RAB5A: variants seen among roughly 807,000 people sequenced by gnomAD.
The protein encoded by RAB5A is ras-related protein Rab-5A.
In RAB5A, 8 loss-of-function variants were observed where a neutral mutation model predicts 25.7. The ratio of observed to expected loss-of-function variants is 0.31; its 90% CI spans 0.18 to 0.56. The LOEUF is 0.56. Ranked by LOEUF, RAB5A falls within the 20% of genes least tolerant of loss-of-function variation. The pLI, the probability that RAB5A is intolerant of heterozygous loss-of-function variation, is 0.91. For missense variants in RAB5A, 192 were observed against 259.7 expected (o/e 0.74, Z 1.79); for synonymous variants, 98 against 89.8 (o/e 1.09, Z -0.52).
At position 19,947,266 on chromosome 3, in the gene RAB5A, CCGGCGGCGG is replaced by C. The variant is rs67898127; in HGVS notation, c.-336_-328del. ...GGAAGAATTAGTCGGAACTCCAGCG[CCGGCGGCGG>C]CGGCGGCGGCGGAGGAGGAGAAAGG... is the stretch of plus-strand genomic sequence containing the variant. On this transcript the variant is annotated 5_prime_UTR_variant, in exon 1 of 6. Transcript: ENST00000273047. The C allele has an allele frequency of 3.7e-3, 675 of 183,024 alleles. 4 individuals are homozygous for C. The highest frequency in any genetic ancestry group is 0.015 in the African/African-American group (631 of 40,856). 11.3% of individuals were successfully genotyped at this position (183,024 alleles called of 1,614,324 possible). A position where few individuals can be genotyped will look rare whatever the true frequency, so the allele number is the denominator to read the frequency against.
Position 19,950,806 on chromosome 3 carries a change from G to T in RAB5A, c.-93G>T. On this transcript the variant is annotated splice_region_variant and 5_prime_UTR_variant, in exon 2 of 6. Coordinates refer to ENST00000273047, the MANE Select transcript of RAB5A (RefSeq NM_004162.5). ...TTAATTCATAATTGTTTCTTTACAG[G>T]TTTCTTTACCTCCAGAAAGAAGAAT... The T allele has an allele frequency of 7.9e-7, 1 of 1,260,208 alleles. No homozygotes were observed. The highest frequency in any genetic ancestry group is 1.1e-6 in the Non-Finnish European group (1 of 920,526). 78.1% of individuals were successfully genotyped at this position (1,260,208 alleles called of 1,614,324 possible).
At chr3:19,953,561 C>T (rs1038586778) in intron 2 of RAB5A, among the ~76,000 whole-genome samples, 1 of 152,060 alleles carries the variant, frequency 6.6e-6, no homozygotes, top group East Asian at 1.9e-4. Flanking sequence ...GCGCAAGCCA[C>T]CACTCCTGGC....
chr3:19,971,559 C>T (rs1696752294), intron 2 of RAB5A, among the ~76,000 whole-genome samples: 1 of 152,090 alleles, frequency 6.6e-6, no homozygotes, highest in South Asian at 2.1e-4. Flanking sequence ...GCAACCTCTG[C>T]CTCCCGAGTT....
intron 2 of RAB5A, among the ~76,000 whole-genome samples, chr3:19,968,354 G>A (rs891880205): frequency 4.0e-5 from 6 of 151,538 alleles, no homozygotes; most frequent in African/African-American, 1.2e-4. Context: ...ATAGCACATC[G>A]AAATTTCCTT....
At chr3:19,952,825 G>C (rs1410491656) in intron 2 of RAB5A, among the ~76,000 whole-genome samples, 2 of 151,596 alleles carry the variant, frequency 1.3e-5, no homozygotes, top group Non-Finnish European at 2.9e-5. Context: ...ATTATATCCA[G>C]TTTAATAATG....
intron 2 of RAB5A, among the ~76,000 whole-genome samples, chr3:19,967,936 A>G (rs570533713): frequency 7.2e-5 from 11 of 152,260 alleles, no homozygotes; most frequent in African/African-American, 2.4e-4. Context: ...GTTTTCGGCT[A>G]TGTATGATTC....
chr3:19,962,609 C>CAA (rs1212086603), intron 2 of RAB5A, among the ~76,000 whole-genome samples: 1 of 151,920 alleles, frequency 6.6e-6, no homozygotes, highest in Non-Finnish European at 1.5e-5. Flanking sequence ...CTATCTATAT[C>CAA]AAAAGAACGT....
intron 2 of RAB5A, among the ~76,000 whole-genome samples, chr3:19,963,853 G>A (rs1431022640): frequency 6.6e-6 from 1 of 152,022 alleles, no homozygotes; most frequent in South Asian, 2.1e-4. Flanking sequence ...TGCCCAGGCT[G>A]GTTTTGAGCT....
intron 5 of RAB5A, among the ~76,000 whole-genome samples, chr3:19,981,422 G>A (rs546654106): frequency 2.0e-5 from 3 of 151,960 alleles, no homozygotes; most frequent in Admixed American, 6.6e-5. Flanking sequence ...GAAACAAGCC[G>A]GGCCAACATG....
intron 2 of RAB5A, among the ~76,000 whole-genome samples, chr3:19,971,809 G>A (rs1696756426): frequency 6.6e-6 from 1 of 152,054 alleles, no homozygotes; most frequent in African/African-American, 2.4e-5. Flanking sequence ...ATATCTTGAT[G>A]TTGTTTTTGA....
At chr3:19,975,993 G>T in intron 3 of RAB5A, 54 bp from the exon 4 acceptor site, 1 of 1,577,050 alleles carries the variant, frequency 6.3e-7, no homozygotes, top group Admixed American at 1.9e-5. Context: ...TCACAAAGAT[G>T]CTTGGTAACC....
chr3:19,955,349 C>T (rs1211632598), intron 2 of RAB5A, among the ~76,000 whole-genome samples: 1 of 152,176 alleles, frequency 6.6e-6, no homozygotes, highest in African/African-American at 2.4e-5. Flanking sequence ...TAGCTTAGAA[C>T]AGTGGTCCTC....
chr3:19,950,719 A>T (rs1349892549), intron 1 of RAB5A, 87 bp from the exon 2 acceptor site: 1 of 553,290 alleles, frequency 1.8e-6, no homozygotes, highest in Non-Finnish European at 3.1e-6. Flanking sequence ...AGTTTAAGAT[A>T]ATCATGCTAT....
In RAB5A at chr3:19,952,101, G is replaced by A. The variant is rs1696433216; in HGVS notation, c.163+1040G>A. Among the ~76,000 whole-genome samples, 4 of 152,242 alleles carry A rather than the reference G, an allele frequency of 2.6e-5. No individual in the cohort carries two copies. In the South Asian group the frequency reaches 8.3e-4, roughly 32 times the overall value. On this transcript the variant is annotated intron_variant, in intron 2 of 5. Transcript: ENST00000273047. ...TGGTGGTGCATTCCTGTAGTCCCAG[G>A]TATTTGGAGGCTGAGGCAGGATTAT...
chr3:19,976,030 G>A lies in RAB5A; in HGVS notation c.316-17G>A, dbSNP rs773612316. The A allele has an allele frequency of 1.5e-5, 24 of 1,603,094 alleles. No homozygotes were observed. Among genetic ancestry groups the A allele is most frequent in the Non-Finnish European group, 2.0e-5 (23 of 1,177,396 alleles). On this transcript the variant is annotated splice_polypyrimidine_tract_variant and intron_variant, in intron 3 of 5. Transcript: ENST00000273047. The stretch of plus-strand genomic sequence containing the variant: ...TTTTTTGAGCCTGTGCTCAATGGCT[G>A]TTTCTTTGTTTAACAGGAGTCCTTT...
At chr3:19,959,172 TG>T (rs1696548380) in intron 2 of RAB5A, among the ~76,000 whole-genome samples, 1 of 152,182 alleles carries the variant, frequency 6.6e-6, no homozygotes, top group African/African-American at 2.4e-5. Flanking sequence ...TAGCTCTTAG[TG>T]AACTGCTACT....
At chr3:19,980,376 ACTT>A (rs1257460284) in intron 5 of RAB5A, among the ~76,000 whole-genome samples, 2 of 152,090 alleles carry the variant, frequency 1.3e-5, no homozygotes, top group African/African-American at 4.8e-5. Flanking sequence ...AGAATGTTGC[ACTT>A]CTTAAAAGAA....
chr3:19,963,376 C>CCCCCCCG (rs869290360), intron 2 of RAB5A, among the ~76,000 whole-genome samples: 5 of 86,862 alleles, frequency 5.8e-5, no homozygotes, highest in Non-Finnish European at 9.1e-5. Flanking sequence ...CCCCCCCCCC[C>CCCCCCCG]CCGACTTATT....
chr3:19,985,025 A>G lies in RAB5A; in HGVS notation c.*1202A>G. 1 of 200,790 alleles carries G rather than the reference A, an allele frequency of 5.0e-6. No homozygotes were observed. The highest frequency in any genetic ancestry group is 1.0e-5 in the Non-Finnish European group (1 of 99,892). 12.4% of individuals were successfully genotyped at this position (200,790 alleles called of 1,614,324 possible). A position where few individuals can be genotyped will look rare whatever the true frequency, so the allele number is the denominator to read the frequency against. On this transcript the variant is annotated 3_prime_UTR_variant, in exon 6 of 6. Transcript: ENST00000273047. ...TAGGTATTTTCATTATATGAAAGCTACCATGTGTCAGAGATGATTTAATCT... is the reference window on the plus strand; with the variant it reads ...TAGGTATTTTCATTATATGAAAGCTGCCATGTGTCAGAGATGATTTAATCT...
Sources: gnomAD v4.1 joint callset for allele counts (sites outside exome capture counted in the v4.1 genomes callset) on GRCh38, gnomAD v4.1.1 for gene constraint, MANE v1.5 for transcripts, NCBI Gene and HGNC (gene_info 2026-07-23, HGNC 2026-07-21) for gene names.